Variants in DST observed in about 807,000 individuals in gnomAD.
DST encodes the protein dystonin.
DST carries 253 observed loss-of-function variants against 875.2 expected under a neutral mutation model. The observed-to-expected ratio is 0.29, with a 90% CI of 0.26 to 0.32. The LOEUF (loss-of-function observed/expected upper bound fraction) is 0.32, where lower values mean the gene tolerates loss of function less well. Among genes scored for constraint, DST ranks in the 10% least tolerant of loss-of-function variants. DST has a pLI of 1.00. For missense variants in DST, 8,287 were observed against 9,111.6 expected, an observed-to-expected ratio of 0.91 and a Z score of 3.68; for synonymous variants, 3,124 against 3,197.1, an observed-to-expected ratio of 0.98 and a Z score of 0.77.
intron 77 of DST, among the ~76,000 whole-genome samples, chr6:56,505,217 G>C (rs1486118700): frequency 6.6e-6 from 1 of 152,124 alleles, no homozygotes; most frequent in Admixed American, 6.6e-5. Flanking sequence ...TCTGCCCTTT[G>C]CTAGCACAGG....
chr6:56,695,182 C>T (rs565862333), intron 9 of DST, among the ~76,000 whole-genome samples: 3 of 150,008 alleles, frequency 2.0e-5, no homozygotes, highest in East Asian at 2.0e-4. Flanking sequence ...GTACCTCCTA[C>T]CCCTCCTCCT....
intron 4 of DST, among the ~76,000 whole-genome samples, chr6:56,823,544 G>A (rs2099775658): frequency 6.6e-6 from 1 of 152,064 alleles, no homozygotes; most frequent in African/African-American, 2.4e-5. Context: ...CCTAGTAGCT[G>A]GGACTACAGG....
At chr6:56,510,357 T>C (rs2096448740) in intron 73 of DST, among the ~76,000 whole-genome samples, 1 of 152,184 alleles carries the variant, frequency 6.6e-6, no homozygotes, top group African/African-American at 2.4e-5. Context: ...GAAGTTTTGA[T>C]TAGATTCCAG....
intron 61 of DST, among the ~76,000 whole-genome samples, chr6:56,551,954 C>T (rs1309575274): frequency 6.6e-6 from 1 of 152,144 alleles, no homozygotes; most frequent in Admixed American, 6.5e-5. Context: ...TTGCCAAGCA[C>T]CCTTTGGTCT....
chr6:56,616,846 C>T (rs1171734210), intron 36 of DST: 1 of 1,613,960 alleles, frequency 6.2e-7, no homozygotes, highest in East Asian at 2.2e-5. Context: ...CCTCAAGAAG[C>T]CTAATTCTGA....
chr6:56,933,051 C>A (rs1811141192), intron 2 of DST, among the ~76,000 whole-genome samples: 1 of 152,010 alleles, frequency 6.6e-6, no homozygotes, highest in South Asian at 2.1e-4. Context: ...CCCCACCGAA[C>A]AGCATGTAGA....
At chr6:56,582,549 G>A (rs1166707855) in intron 49 of DST, among the ~76,000 whole-genome samples, 1 of 151,922 alleles carries the variant, frequency 6.6e-6, no homozygotes, top group Non-Finnish European at 1.5e-5. Flanking sequence ...AGAATCGTGA[G>A]CCAACTAAAC....
chr6:56,542,535 G>A (rs2097147281), intron 61 of DST: 2 of 150,660 alleles, frequency 1.3e-5, no homozygotes, highest in Admixed American at 6.6e-5. Flanking sequence ...GAAGAGCTCC[G>A]CGGCTTCCTC....
intron 2 of DST, among the ~76,000 whole-genome samples, chr6:56,907,302 G>GT (rs1277209293): frequency 2.0e-5 from 3 of 152,176 alleles, no homozygotes; most frequent in Non-Finnish European, 4.4e-5. Flanking sequence ...ACAAAAATCT[G>GT]TAACGCACAC....
Position 56,776,308 on chromosome 6 carries a change from C to CA in DST, c.626-41020dup, listed in dbSNP as rs534563560. 5.5e-4 allele frequency among the ~76,000 whole-genome samples: 84 copies of CA among 152,204 alleles called. 4 individuals carry two copies. The South Asian group carries it at 0.017, about 32-fold the overall frequency. On this transcript the variant is annotated intron_variant, in intron 4 of 103. Coordinates refer to ENST00000680361, the MANE Select transcript of DST (RefSeq NM_001374736.1). ...AAATGTCACAGACCAGAGAAGACTA[C>CA]AGAGACATGACAATGAAATGTAATG...
At chr6:56,613,341 T>C (rs532961761) in intron 37 of DST, among the ~76,000 whole-genome samples, 1 of 152,314 alleles carries the variant, frequency 6.6e-6, no homozygotes, top group African/African-American at 2.4e-5. Context: ...TTCAAGTATA[T>C]ACTCTGGTCT....
intron 2 of DST, among the ~76,000 whole-genome samples, chr6:56,934,902 G>A (rs1812228563): frequency 6.6e-6 from 1 of 151,884 alleles, no homozygotes. Flanking sequence ...TCCACTAAAA[G>A]AGTTTACTAG....
chr6:56,792,876 T>C (rs1170792593), intron 4 of DST, among the ~76,000 whole-genome samples: 1 of 151,978 alleles, frequency 6.6e-6, no homozygotes, highest in African/African-American at 2.4e-5. Flanking sequence ...GAGACCAGCC[T>C]AGACAACATG....
Position 56,562,093 on chromosome 6 carries a change from AC to A in DST, c.14068+44del, listed in dbSNP as rs761387608. 2.9e-5 allele frequency: 37 copies of A among 1,258,710 alleles called. No individual in the cohort carries two copies. In the African/African-American group the frequency reaches 4.2e-4, roughly 14 times the overall value. 78.0% of individuals were successfully genotyped at this position (1,258,710 alleles called of 1,614,324 possible). A position where few individuals can be genotyped will look rare whatever the true frequency, so the allele number is the denominator to read the frequency against. On this transcript the variant is annotated intron_variant, in intron 56 of 103. Coordinates refer to ENST00000680361, the MANE Select transcript of DST (RefSeq NM_001374736.1). ...TCTAAGATTTTCTCTTATTAAAAAA[AC>A]ATCAAATTACATTAATCAGTAACAA...
chr6:56,515,763 G>A (rs964480184), intron 71 of DST, 95 bp from the exon 72 acceptor site: 2 of 863,588 alleles, frequency 2.3e-6, no homozygotes, highest in African/African-American at 3.4e-5. Flanking sequence ...TGGACAGAGT[G>A]GGCGTTTGAC....
At position 56,607,398 on chromosome 6, in the gene DST, G is replaced by A; in HGVS notation, c.7230C>T (p.Phe2410=). ...NPIMKSKMSK[F]CGVNETENED... is the part of the protein sequence containing the mutation. ...CATTCTCTGTTTCATTCACACCACA[G>A]AATTTACTCATTTTTGATTTCATAA... Residue 2410 remains phenylalanine, a synonymous_variant, in exon 40 of 104, where the codon TTC becomes TTT. Coordinates refer to ENST00000680361, the MANE Select transcript of DST (RefSeq NM_001374736.1). 6.2e-7 allele frequency: 1 copy of A among 1,612,412 alleles called. No individual in the cohort carries two copies. The highest frequency in any genetic ancestry group is 1.1e-5 in the South Asian group (1 of 91,002).
intron 88 of DST, chr6:56,484,998 C>G: frequency 3.9e-6 from 1 of 257,388 alleles, no homozygotes; most frequent in Non-Finnish European, 7.4e-6. Context: ...AAGTGCATAA[C>G]TAAAGATAGT....
intron 33 of DST, 81 bp from the exon 34 acceptor site, chr6:56,627,368 T>C (rs2098744185): frequency 2.2e-6 from 2 of 928,414 alleles, no homozygotes; most frequent in Admixed American, 1.7e-5. Flanking sequence ...AACTAAGACA[T>C]ATCTACATCA....
chr6:56,837,343 C>A (rs1428982399), intron 4 of DST, among the ~76,000 whole-genome samples: 1 of 152,224 alleles, frequency 6.6e-6, no homozygotes. Context: ...CACCCGCCTC[C>A]TGTCCCCACA....
Sources: allele counts gnomAD v4.1 joint callset (sites outside exome capture counted in the v4.1 genomes callset), GRCh38; gene constraint gnomAD v4.1.1; transcripts MANE v1.5; gene names NCBI Gene and HGNC (gene_info 2026-07-23, HGNC 2026-07-21).